The following LAMB1 variants were observed in gnomAD, a reference collection of about 807,000 sequenced individuals.
LAMB1 encodes the protein laminin subunit beta-1.
In LAMB1, 121 loss-of-function variants were observed where a neutral mutation model predicts 222.3. The observed-to-expected ratio is 0.54, with a 90% CI of 0.47 to 0.63. The LOEUF (loss-of-function observed/expected upper bound fraction) is 0.63, where lower values mean the gene tolerates loss of function less well. LAMB1 is among the 30% of genes least tolerant of loss of function. LAMB1 has a pLI of 0.00. For synonymous variants in LAMB1, 794 were observed against 807.2 expected, an observed-to-expected ratio of 0.98 and a Z score of 0.28; for missense variants, 2,172 against 2,240.8, an observed-to-expected ratio of 0.97 and a Z score of 0.62.
At position 107,926,288 on chromosome 7, in the gene LAMB1, C is replaced by G. The variant is rs2032563335; in HGVS notation, c.4959G>C (p.Arg1653Ser). 6.2e-7 allele frequency: 1 copy of G among 1,613,984 alleles called. No homozygotes were observed. Among genetic ancestry groups the G allele is most frequent in the Admixed American group, 1.7e-5 (1 of 60,000 alleles). ...CTTTCCGCTTAAGTTCTTCCACATT[C>G]CTCTCTAACTCGCTGATGCGCTGGG... ...NASQRISELE[R>S]NVEELKRKAA... Residue 1653 changes from arginine (R) to serine (S), a missense_variant, in exon 32 of 34, where the codon AGG (arginine) becomes AGC (serine). Transcript: ENST00000222399.
At chr7:107,965,853 C>T (rs2033624396) in intron 13 of LAMB1, among the ~76,000 whole-genome samples, 2 of 152,034 alleles carry the variant, frequency 1.3e-5, no homozygotes, top group Non-Finnish European at 2.9e-5. Context: ...TATAATCCCA[C>T]ACTTTGGGAG....
chr7:107,940,275 C>T lies in LAMB1; in HGVS notation c.3475G>A (p.Gly1159Ser). The T allele has an allele frequency of 1.2e-6, 2 of 1,614,178 alleles. No individual in the cohort carries two copies. Among genetic ancestry groups the T allele is most frequent in the Non-Finnish European group, 1.7e-6 (2 of 1,180,028 alleles). The change falls in exon 25 of 34, where the codon GGT becomes AGT. Residue 1159 changes from glycine (G) to serine (S), a missense_variant. Coordinates refer to ENST00000222399, the MANE Select transcript of LAMB1 (RefSeq NM_002291.3). ...CGCGTGCACTTGTCACAGCGTGGAC[C>T]CTCAACACCCTCAACGCAGACACAC... ...GQCVCVEGVE[G>S]PRCDKCTRGY...
chr7:107,926,192 A>G lies in LAMB1; in HGVS notation c.5055T>C (p.Asp1685=), dbSNP rs372649307. ...ACAAAGATTTACGTACCTTCTTAAC[A>G]TCTTCTGCACTTTGCTTCACAGTAT... ...VVYTVKQSAE[D]VKKTLDGELD... Residue 1685 remains aspartate (D), a synonymous_variant, in exon 32 of 34, where the codon GAT becomes GAC. Transcript: ENST00000222399. 116 of 1,612,944 alleles carry G rather than the reference A, an allele frequency of 7.2e-5. No homozygotes were observed. The highest frequency in any genetic ancestry group is 8.8e-5 in the Non-Finnish European group (104 of 1,179,210).
Position 107,975,387 on chromosome 7 carries a change from G to A in LAMB1, c.1216C>T (p.Gln406Ter). 1 of 1,613,254 alleles carries A rather than the reference G, an allele frequency of 6.2e-7. No homozygotes were observed. The highest frequency in any genetic ancestry group is 8.5e-7 in the Non-Finnish European group (1 of 1,179,752). Residue 406 changes from glutamine (Q) to a stop codon, truncating the protein, a stop_gained, in exon 11 of 34, where the codon CAA (glutamine) becomes TAA (stop). Transcript: ENST00000222399. LOFTEE classifies it high-confidence loss of function. ...ERCTCDPAGS[Q>*]NEGICDSYTD... ...TAGCTGTCACAAATTCCCTCATTTT[G>A]AGAGCCAGCTGGGTCACACGTACAT...
intron 5 of LAMB1, among the ~76,000 whole-genome samples, chr7:107,993,381 G>T (rs1333153262): frequency 6.6e-6 from 1 of 152,076 alleles, no homozygotes; most frequent in African/African-American, 2.4e-5. Context: ...TGATCTGCCC[G>T]CCTTGGCCTC....
rs1048568700 is a variant in LAMB1, at chr7:107,941,358, G to A, written c.3392-1000C>T. On this transcript the variant is annotated intron_variant, in intron 24 of 33. Transcript: ENST00000222399. ...AAAGGCCTTATGCTAACATCTTATC[G>A]CTGGGCTTCCACCCATTCTGAGGAA... Among the ~76,000 whole-genome samples the A allele has an allele frequency of 2.6e-5, 4 of 152,138 alleles. No homozygotes were observed. The East Asian group carries it at 5.8e-4, about 22-fold the overall frequency.
intron 5 of LAMB1, among the ~76,000 whole-genome samples, chr7:107,987,057 C>T (rs2034093932): frequency 6.6e-6 from 1 of 152,164 alleles, no homozygotes; most frequent in Non-Finnish European, 1.5e-5. Context: ...AACCCATGTA[C>T]CCATCAACTG....
chr7:107,940,023 G>C lies in LAMB1; in HGVS notation c.3727C>G (p.Leu1243Val), dbSNP rs2032940971. ...TCAAAGAGATTCCCAATGTTTTTCA[G>C]TGGCTCTGCTGCGGGGCTCTGCGCC... The part of the protein sequence containing the change: ...ILAQSPAAEP[L>V]KNIGNLFEEA... The change falls in exon 25 of 34, where the codon CTG becomes GTG. Residue 1243 changes from leucine (L) to valine (V), a missense_variant. Leu to Val is a conservative substitution (Grantham distance 32). Transcript: ENST00000222399. 1 of 1,613,900 alleles carries C rather than the reference G, an allele frequency of 6.2e-7. No homozygotes were observed. Among genetic ancestry groups the C allele is most frequent in the South Asian group, 1.1e-5 (1 of 91,076 alleles).
intron 20 of LAMB1, among the ~76,000 whole-genome samples, chr7:107,956,474 A>G (rs2033379495): frequency 6.6e-6 from 1 of 152,182 alleles, no homozygotes. Flanking sequence ...AGTGACACCC[A>G]TGGCTTCATC....
rs1042391122 is a variant in LAMB1, at chr7:107,969,059, C to T, written c.1562+3933G>A. On this transcript the variant is annotated intron_variant, in intron 13 of 33. Coordinates refer to ENST00000222399, the MANE Select transcript of LAMB1 (RefSeq NM_002291.3). ...ATCCCAGCACTTTGGGAGTCCGAGG[C>T]GAGCGGATCAAGAGGTCAGGAGATT... Among the ~76,000 whole-genome samples the T allele has an allele frequency of 7.2e-5, 11 of 152,076 alleles. No homozygotes were observed. In the South Asian group the frequency reaches 1.0e-3, roughly 14 times the overall value.
intron 21 of LAMB1, among the ~76,000 whole-genome samples, chr7:107,954,446 A>C (rs972859027): frequency 7.3e-5 from 11 of 151,340 alleles, no homozygotes. Flanking sequence ...CTGGAACTAC[A>C]AGCATGAGCC....
In LAMB1 at chr7:107,953,488, G is replaced by C. The variant is rs563739071; in HGVS notation, c.3079+42C>G. 979 of 1,362,728 alleles carry C rather than the reference G, an allele frequency of 7.2e-4. 16 individuals are homozygous for C. The South Asian group carries it at 0.011, about 15-fold the overall frequency. The allele number at this position is 1,362,728 out of a possible 1,614,324, so 84.4% of individuals were successfully genotyped here. A position where few individuals can be genotyped will look rare whatever the true frequency, so the allele number is the denominator to read the frequency against. On this transcript the variant is annotated intron_variant, in intron 22 of 33. Transcript: ENST00000222399. ...ATCTGCTGATAATGAAAAAAAGGTG[G>C]AAGTCATTCTAAGAAGTGGGCAGAA...
chr7:107,961,297 T>C lies in LAMB1; in HGVS notation c.2018A>G (p.Glu673Gly). ...YVVLPRPVCF[E>G]KGTNYTVRLE... ...CCTCACCGTGTAGTTTGTTCCCTTC[T>C]CAAAGCACACCGGCCGAGGAAGGAC... Residue 673 changes from glutamate (E) to glycine (G), a missense_variant, in exon 17 of 34, where the codon GAG (glutamate) becomes GGG (glycine). Transcript: ENST00000222399. 1.9e-6 allele frequency: 3 copies of C among 1,613,852 alleles called. No individual in the cohort carries two copies. Among genetic ancestry groups the C allele is most frequent in the Non-Finnish European group, 2.5e-6 (3 of 1,179,990 alleles).
At position 107,929,189 on chromosome 7, in the gene LAMB1, C is replaced by T; in HGVS notation, c.4762G>A (p.Val1588Ile). The T allele has an allele frequency of 6.2e-7, 1 of 1,614,032 alleles. No homozygotes were observed. Among genetic ancestry groups the T allele is most frequent in the East Asian group, 2.2e-5 (1 of 44,856 alleles). ...AKRASKSATD[V>I]KVTADMVKEA... ...TTTACCATATCTGCAGTGACTTTAA[C>T]ATCTGTTGCACTTTTGCTGAGTAAA... The change falls in exon 31 of 34, where the codon GTT (valine) becomes ATT (isoleucine). Residue 1588 changes from valine to isoleucine, a missense_variant. Val to Ile is a conservative substitution (Grantham distance 29). Transcript: ENST00000222399.
At chr7:107,940,493 G>A (rs549659794) in intron 24 of LAMB1, 135 bp from the exon 25 acceptor site, 2 of 893,268 alleles carry the variant, frequency 2.2e-6, no homozygotes, top group East Asian at 5.3e-5. Context: ...CAATGGCTCA[G>A]GTAGAGACTG....
At position 107,976,989 on chromosome 7, in the gene LAMB1, C is replaced by CTCTT. The variant is rs1474984605; in HGVS notation, c.1000+1057_1000+1058insAAGA. Among the ~76,000 whole-genome samples, 4 of 98,842 alleles carry CTCTT rather than the reference C, an allele frequency of 4.0e-5. 1 individual carries two copies. The highest frequency in any genetic ancestry group is 1.6e-4 in the African/African-American group (4 of 24,368). The allele number at this position is 98,842 out of a possible 152,430, so 64.8% of individuals were successfully genotyped here. ...CCTCTCCCTCCTTCCTTCCTTTCCT[C>CTCTT]TTCCTCCTTCCTTCCTTTCCTCTCT... is the stretch of plus-strand genomic sequence containing the variant. On this transcript the variant is annotated intron_variant, in intron 9 of 33. Coordinates refer to ENST00000222399, the MANE Select transcript of LAMB1 (RefSeq NM_002291.3).
chr7:107,934,137 T>C (rs2032781809), intron 27 of LAMB1, among the ~76,000 whole-genome samples: 1 of 152,160 alleles, frequency 6.6e-6, no homozygotes, highest in South Asian at 2.1e-4. Flanking sequence ...TTCTTCATCT[T>C]TTATTTTTCC....
Position 107,953,732 on chromosome 7 carries a change from G to C in LAMB1, c.2877C>G (p.Ala959=). ...GYIGSRCDDC[A]SGYFGNPSEV... The stretch of plus-strand genomic sequence containing the variant: ...CTGATGGATTGCCAAAGTATCCTGA[G>C]GCACAGTCGTCACATCTGGAACCTG... The change falls in exon 22 of 34, where the codon GCC becomes GCG. Residue 959 remains alanine (A), a synonymous_variant. Coordinates refer to ENST00000222399, the MANE Select transcript of LAMB1 (RefSeq NM_002291.3). The C allele has an allele frequency of 6.2e-7, 1 of 1,614,124 alleles. No individual in the cohort carries two copies. The highest frequency in any genetic ancestry group is 8.5e-7 in the Non-Finnish European group (1 of 1,180,004).
Position 107,962,926 on chromosome 7 carries a change from G to T in LAMB1, c.1836C>A (p.Ile612=). ...TTACCTGTGGCTCGTAGCGAATTAGGATGTCGTACTCCATGGAATATGGTA... is the reference window on the plus strand; with the variant it reads ...TTACCTGTGGCTCGTAGCGAATTAGTATGTCGTACTCCATGGAATATGGTA... The part of the protein sequence containing the change: ...DNIPYSMEYD[I]LIRYEPQLPD... Residue 612 remains isoleucine (I), a synonymous_variant, in exon 15 of 34, where the codon ATC becomes ATA. Coordinates refer to ENST00000222399, the MANE Select transcript of LAMB1 (RefSeq NM_002291.3). 6.2e-7 allele frequency: 1 copy of T among 1,613,198 alleles called. No individual in the cohort carries two copies. Among genetic ancestry groups the T allele is most frequent in the Non-Finnish European group, 8.5e-7 (1 of 1,179,668 alleles).
Sources: gnomAD v4.1 joint callset for allele counts (sites outside exome capture counted in the v4.1 genomes callset) on GRCh38, gnomAD v4.1.1 for gene constraint, MANE v1.5 for transcripts, NCBI Gene and HGNC (gene_info 2026-07-23, HGNC 2026-07-21) for gene names.